TDRD9: variants seen among roughly 807,000 people sequenced by gnomAD.
TDRD9 encodes ATP-dependent RNA helicase TDRD9.
In TDRD9, 124 loss-of-function variants were observed where a neutral mutation model predicts 172.6. The ratio of observed to expected loss-of-function variants is 0.72; its 90% CI spans 0.62 to 0.83. The LOEUF is 0.83. Among genes scored for constraint, TDRD9 ranks in the 40% least tolerant of loss-of-function variants. The pLI is 0.00. For synonymous variants in TDRD9, 619 were observed against 617.1 expected, an observed-to-expected ratio of 1.00 and a Z score of -0.05; for missense variants, 1,479 against 1,714.1, an observed-to-expected ratio of 0.86 and a Z score of 2.42.
At chr14:103,978,453 A>G (rs984205991) in intron 7 of TDRD9, among the ~76,000 whole-genome samples, 4 of 152,162 alleles carry the variant, frequency 2.6e-5, no homozygotes, top group African/African-American at 9.7e-5. Flanking sequence ...ACTTAAAAAA[A>G]CCTACTAACT....
intron 24 of TDRD9, 109 bp from the exon 25 acceptor site, chr14:104,024,460 T>A (rs940675034): frequency 3.4e-6 from 2 of 586,846 alleles, no homozygotes; most frequent in Admixed American, 3.4e-5. Flanking sequence ...ATTGAAATGT[T>A]CTTTTCTTGT....
chr14:103,967,047 T>C (rs1220187276), intron 5 of TDRD9, among the ~76,000 whole-genome samples: 2 of 152,192 alleles, frequency 1.3e-5, no homozygotes, highest in African/African-American at 2.4e-5. Flanking sequence ...TTTGAATAAC[T>C]TTCCCAAGAA....
At position 104,032,005 on chromosome 14, in the gene TDRD9, T is replaced by G; in HGVS notation, c.3439-12T>G. The G allele has an allele frequency of 6.5e-7, 1 of 1,539,732 alleles. No individual in the cohort carries two copies. The highest frequency in any genetic ancestry group is 8.8e-7 in the Non-Finnish European group (1 of 1,141,818). ...GCTTATTGGTAACACTTCCTATATTTTGTGCACGCAGGCAGAACTTCACGG... is the reference window on the plus strand; with the variant it reads ...GCTTATTGGTAACACTTCCTATATTGTGTGCACGCAGGCAGAACTTCACGG... On this transcript the variant is annotated splice_polypyrimidine_tract_variant and intron_variant, in intron 29 of 35. Coordinates refer to ENST00000409874, the MANE Select transcript of TDRD9 (RefSeq NM_153046.3).
At chr14:103,996,539 A>T (rs1472237688) in intron 12 of TDRD9, among the ~76,000 whole-genome samples, 1 of 152,210 alleles carries the variant, frequency 6.6e-6, no homozygotes, top group Non-Finnish European at 1.5e-5. Context: ...TGACATTTTA[A>T]TAGAGACCTG....
At chr14:103,975,359 T>A (rs1260200529) in intron 6 of TDRD9, 30 bp from the exon 7 acceptor site, 2 of 1,590,626 alleles carry the variant, frequency 1.3e-6, no homozygotes, top group Non-Finnish European at 1.7e-6. Flanking sequence ...TTCTCATTGT[T>A]TTATTTGAAT....
chr14:104,039,579 C>G (rs950563041), intron 32 of TDRD9, among the ~76,000 whole-genome samples: 1 of 152,098 alleles, frequency 6.6e-6, no homozygotes, highest in African/African-American at 2.4e-5. Flanking sequence ...GGGAATTGGT[C>G]GGAAAGTTGT....
intron 1 of TDRD9, among the ~76,000 whole-genome samples, chr14:103,955,085 G>C (rs989816520): frequency 1.3e-5 from 2 of 150,940 alleles, no homozygotes; most frequent in African/African-American, 4.9e-5. Flanking sequence ...GCCCACACCC[G>C]GCTCATTTCT....
intron 20 of TDRD9, among the ~76,000 whole-genome samples, chr14:104,014,086 G>T (rs1271883206): frequency 6.6e-6 from 1 of 151,794 alleles, no homozygotes; most frequent in Admixed American, 6.6e-5. Flanking sequence ...AAAATTAGCT[G>T]GGCGTGGTGG....
At chr14:103,991,569 C>T (rs569213315) in intron 9 of TDRD9, among the ~76,000 whole-genome samples, 79 of 151,480 alleles carry the variant, frequency 5.2e-4, no homozygotes, top group African/African-American at 1.6e-3. Flanking sequence ...CACGCCACCA[C>T]GCCCGGCTTA....
At chr14:103,981,005 A>G (rs1047962034) in intron 7 of TDRD9, among the ~76,000 whole-genome samples, 1 of 152,218 alleles carries the variant, frequency 6.6e-6, no homozygotes, top group Non-Finnish European at 1.5e-5. Flanking sequence ...GATTAATGAT[A>G]TTCATACATA....
chr14:103,939,750 T>TTTTTCG (rs1555362795), intron 1 of TDRD9: 1 of 48,458 alleles, frequency 2.1e-5, no homozygotes, highest in African/African-American at 5.8e-5. Flanking sequence ...AGTGTTTTTT[T>TTTTTCG]TTTTTTTTTT....
At position 103,991,150 on chromosome 14, in the gene TDRD9, T is replaced by G. The variant is rs1278551136; in HGVS notation, c.1116-10T>G. ...TTCATTAATATTTGTGCACATCACA[T>G]TTTTAACAGGAACAAGGCTTGGTCG... On this transcript the variant is annotated splice_polypyrimidine_tract_variant and intron_variant, in intron 8 of 35. Transcript: ENST00000409874. 1 of 1,613,968 alleles carries G rather than the reference T, an allele frequency of 6.2e-7. No homozygotes were observed. The highest frequency in any genetic ancestry group is 8.5e-7 in the Non-Finnish European group (1 of 1,179,866).
chr14:103,966,191 C>A lies in TDRD9; in HGVS notation c.643-518C>A, dbSNP rs182930524. Reference sequence around the variant, plus strand: ...ACTAAAAATACAAAAATTAGCCAGGCATGATGGCACATGCCTGTGATTCCA... The same window carrying A: ...ACTAAAAATACAAAAATTAGCCAGGAATGATGGCACATGCCTGTGATTCCA... On this transcript the variant is annotated intron_variant, in intron 4 of 35. Coordinates refer to ENST00000409874, the MANE Select transcript of TDRD9 (RefSeq NM_153046.3). 1.1e-3 allele frequency among the ~76,000 whole-genome samples: 163 copies of A among 150,512 alleles called. 1 individual carries two copies. Among genetic ancestry groups the A allele is most frequent in the African/African-American group, 3.9e-3 (160 of 40,988 alleles).
rs570335372 is a variant in TDRD9 at position 104,030,745 on chromosome 14, G to A, written c.3283-363G>A. ...TCGCAAGGACAAAAAACCAAACACCGCATGTTCTCACTCATAGGTGGGAAT... is the reference window on the plus strand; with the variant it reads ...TCGCAAGGACAAAAAACCAAACACCACATGTTCTCACTCATAGGTGGGAAT... On this transcript the variant is annotated intron_variant, in intron 28 of 35. Transcript: ENST00000409874. 4.9e-3 allele frequency among the ~76,000 whole-genome samples: 744 copies of A among 152,076 alleles called. 3 individuals carry two copies. Among genetic ancestry groups the A allele is most frequent in the Non-Finnish European group, 8.3e-3 (565 of 67,972 alleles).
At chr14:103,940,794 G>A in intron 1 of TDRD9, 2 of 1,524,226 alleles carry the variant, frequency 1.3e-6, no homozygotes, top group Non-Finnish European at 1.8e-6. Flanking sequence ...AACCCCTCTA[G>A]TTGTAAGTAA....
intron 33 of TDRD9, among the ~76,000 whole-genome samples, chr14:104,041,723 C>G (rs1020300378): frequency 2.6e-5 from 4 of 152,114 alleles, no homozygotes; most frequent in African/African-American, 9.7e-5. Flanking sequence ...GACCGGGGAC[C>G]TTTTGTTCAT....
intron 3 of TDRD9, among the ~76,000 whole-genome samples, chr14:103,964,725 A>G (rs1243287087): frequency 1.3e-5 from 2 of 152,046 alleles, no homozygotes; most frequent in Non-Finnish European, 2.9e-5. Flanking sequence ...GGGTTTCACC[A>G]TATTGGCCAG....
chr14:103,934,001 A>G (rs1055508561), intron 1 of TDRD9, among the ~76,000 whole-genome samples: 4 of 151,582 alleles, frequency 2.6e-5, no homozygotes, highest in Non-Finnish European at 5.9e-5. Flanking sequence ...CTCTCCAAGA[A>G]TTCCTATTTT....
chr14:104,035,065 A>G lies in TDRD9; in HGVS notation c.3716+9A>G. ...CCGGTGATAGAGTTAAGGTACGGGC[A>G]TCCCTCTTGTCTATAGGCTTTGTAA... On this transcript the variant is annotated intron_variant, in intron 32 of 35. Coordinates refer to ENST00000409874, the MANE Select transcript of TDRD9 (RefSeq NM_153046.3). 6.5e-7 allele frequency: 1 copy of G among 1,549,186 alleles called. No homozygotes were observed. Among genetic ancestry groups the G allele is most frequent in the Non-Finnish European group, 8.7e-7 (1 of 1,144,950 alleles).
Sources: gnomAD v4.1 joint callset for allele counts (sites outside exome capture counted in the v4.1 genomes callset) on GRCh38, gnomAD v4.1.1 for gene constraint, MANE v1.5 for transcripts, NCBI Gene and HGNC (gene_info 2026-07-23, HGNC 2026-07-21) for gene names.